Variants in VPS13B observed in about 807,000 individuals in gnomAD.
VPS13B encodes the protein vacuolar protein sorting 13 homolog B.
Under a neutral mutation model 426.4 loss-of-function variants are expected in VPS13B, and 285 were observed. That is an observed-to-expected ratio of 0.67 (90% confidence interval 0.61 to 0.74). The LOEUF is 0.74. Among genes scored for constraint, VPS13B ranks in the 30% least tolerant of loss-of-function variants. The probability of loss-of-function intolerance (pLI) is 0.00; values close to 1 mark genes in which losing one functional copy is unlikely to be tolerated. For missense variants in VPS13B, 4,537 were observed against 4,782.6 expected (o/e 0.95, Z 1.51); for synonymous variants, 1,676 against 1,676.4 (o/e 1.00, Z 0.01).
intron 44 of VPS13B, among the ~76,000 whole-genome samples, chr8:99,810,892 G>A (rs1451791461): frequency 2.0e-5 from 3 of 152,092 alleles, no homozygotes; most frequent in East Asian, 1.9e-4. Context: ...GACAAATGTG[G>A]GACAAATGAG....
intron 39 of VPS13B, among the ~76,000 whole-genome samples, chr8:99,726,809 G>A (rs1833369452): frequency 6.6e-6 from 1 of 152,106 alleles, no homozygotes; most frequent in Non-Finnish European, 1.5e-5. Context: ...GCCCGCCTTG[G>A]CCTCCCAAAG....
At chr8:99,467,759 G>GTTAAAA (rs1395763832) in intron 24 of VPS13B, 125 bp downstream of exon 24, 1 of 1,008,068 alleles carries the variant, frequency 9.9e-7, no homozygotes, top group Non-Finnish European at 1.5e-6. Context: ...TGGCCATCAA[G>GTTAAAA]ATCAGGGTGG....
At chr8:99,845,342 G>A (rs1815928839) in intron 54 of VPS13B, among the ~76,000 whole-genome samples, 1 of 152,098 alleles carries the variant, frequency 6.6e-6, no homozygotes, top group Non-Finnish European at 1.5e-5. Context: ...CTTCCCCCTT[G>A]TAACTAACCA....
At chr8:99,612,594 C>T (rs1471247424) in intron 33 of VPS13B, among the ~76,000 whole-genome samples, 3 of 152,164 alleles carry the variant, frequency 2.0e-5, no homozygotes, top group African/African-American at 7.2e-5. Context: ...GCCTGCTGAA[C>T]TAAATAAGAA....
intron 15 of VPS13B, among the ~76,000 whole-genome samples, chr8:99,157,217 T>C (rs1381060171): frequency 4.6e-5 from 7 of 152,106 alleles, no homozygotes; most frequent in African/African-American, 1.7e-4. Context: ...TATGCCATTT[T>C]ATCATGCATT....
intron 57 of VPS13B, 145 bp downstream of exon 57, chr8:99,859,625 A>G (rs2130934730): frequency 1.9e-6 from 2 of 1,081,084 alleles, no homozygotes; most frequent in Non-Finnish European, 2.7e-6. Context: ...TGGGTTTGTA[A>G]CAAAGCTCAT....
intron 3 of VPS13B, among the ~76,000 whole-genome samples, chr8:99,042,593 A>G (rs4374957): frequency 0.73 from 111,262 of 151,620 alleles, 41,541 homozygotes; most frequent in South Asian, 0.87. Context: ...TCTGTTTCCC[A>G]TAAGCACGGA....
intron 33 of VPS13B, among the ~76,000 whole-genome samples, chr8:99,597,692 G>A (rs1020706044): frequency 6.6e-6 from 1 of 151,944 alleles, no homozygotes; most frequent in African/African-American, 2.4e-5. Flanking sequence ...CAGAGAAAAT[G>A]GTCCTAAGAT....
intron 35 of VPS13B, among the ~76,000 whole-genome samples, chr8:99,687,807 T>A (rs74826583): frequency 6.6e-6 from 1 of 152,194 alleles, no homozygotes; most frequent in East Asian, 1.9e-4. Flanking sequence ...GGTGATTGCT[T>A]ACCTGACTTT....
intron 17 of VPS13B, among the ~76,000 whole-genome samples, chr8:99,213,221 C>T (rs1426322730): frequency 1.3e-5 from 2 of 152,076 alleles, no homozygotes; most frequent in Non-Finnish European, 2.9e-5. Context: ...ATCTAATGTG[C>T]TGTAATAGTT....
At chr8:99,156,406 C>A (rs1159997623) in intron 14 of VPS13B, 143 bp from the exon 15 acceptor site, 4 of 723,106 alleles carry the variant, frequency 5.5e-6, no homozygotes, top group African/African-American at 5.4e-5. Context: ...TTGGTTATGG[C>A]AAGAGAGTTC....
chr8:99,823,734 G>C (rs1814510297), intron 50 of VPS13B, 98 bp from the exon 51 acceptor site: 4 of 1,306,624 alleles, frequency 3.1e-6, no homozygotes, highest in South Asian at 2.4e-5. Context: ...GTACTGTCCT[G>C]GCAGACAATT....
At chr8:99,274,522 G>A (rs1362640734) in intron 18 of VPS13B, among the ~76,000 whole-genome samples, 190 bp downstream of exon 18, 1 of 150,948 alleles carries the variant, frequency 6.6e-6, no homozygotes, top group Admixed American at 6.6e-5. Context: ...TTTTTATTTA[G>A]GGAAAAATAC....
At chr8:99,104,566 T>G (rs1442527394) in intron 5 of VPS13B, among the ~76,000 whole-genome samples, 3 of 59,394 alleles carry the variant, frequency 5.1e-5, no homozygotes, top group South Asian at 5.6e-4. Flanking sequence ...CCGTCCCCCC[T>G]CCCCTCTCCC....
At chr8:99,308,597 G>C (rs1432319029) in intron 19 of VPS13B, among the ~76,000 whole-genome samples, 1 of 152,220 alleles carries the variant, frequency 6.6e-6, no homozygotes, top group Admixed American at 6.5e-5. Flanking sequence ...CATTTGGGTT[G>C]GTTCCAAGTC....
intron 50 of VPS13B, among the ~76,000 whole-genome samples, chr8:99,822,007 CA>C (rs1447746385): frequency 6.6e-6 from 1 of 152,014 alleles, no homozygotes; most frequent in Non-Finnish European, 1.5e-5. Flanking sequence ...GAGATGCATA[CA>C]AAAAACATAA....
intron 25 of VPS13B, among the ~76,000 whole-genome samples, chr8:99,483,564 A>G (rs1820153575): frequency 1.3e-5 from 2 of 152,188 alleles, no homozygotes; most frequent in Admixed American, 6.5e-5. Flanking sequence ...TAGAGTAATC[A>G]AAGTTTAAGG....
At chr8:99,144,157 C>T (rs1369673344) in intron 13 of VPS13B, among the ~76,000 whole-genome samples, 1 of 151,986 alleles carries the variant, frequency 6.6e-6, no homozygotes, top group African/African-American at 2.4e-5. Context: ...GTGATGGCAC[C>T]ATGTCCGCCC....
chr8:99,862,311 C>T (rs1816880936), intron 58 of VPS13B, among the ~76,000 whole-genome samples: 1 of 152,224 alleles, frequency 6.6e-6, no homozygotes, highest in Admixed American at 6.5e-5. Context: ...GGCTCCCTCA[C>T]TCCCACACAT....
Sources: allele counts gnomAD v4.1 joint callset (sites outside exome capture counted in the v4.1 genomes callset), GRCh38; gene constraint gnomAD v4.1.1; transcripts MANE v1.5; gene names NCBI Gene and HGNC (gene_info 2026-07-23, HGNC 2026-07-21).